The following TP53I13 variants were observed in gnomAD, a reference collection of about 807,000 sequenced individuals.
The protein encoded by TP53I13 is tumor protein p53 inducible protein 13.
Under a neutral mutation model 39.1 loss-of-function variants are expected in TP53I13, and 27 were observed. The ratio of observed to expected loss-of-function variants is 0.69; its 90% CI spans 0.51 to 0.95. TP53I13 has a LOEUF of 0.95. Among genes scored for constraint, TP53I13 ranks in the 40% least tolerant of loss-of-function variants. The probability of loss-of-function intolerance (pLI) is 0.00; values close to 1 mark genes in which losing one functional copy is unlikely to be tolerated. For synonymous variants in TP53I13, 230 were observed against 224.6 expected (o/e 1.02, Z -0.22); for missense variants, 544 against 520.4 (o/e 1.05, Z -0.44).
At chr17:29,580,863 C>T in the TP53I13 span, among the ~76,000 whole-genome samples, 1 of 152,034 alleles carries the variant, frequency 6.6e-6, no homozygotes, top group African/African-American at 2.4e-5. Flanking sequence ...TCACCGCAAC[C>T]TCTACCTCCT....
rs766538307 is a variant in TP53I13, at chr17:29,572,193, G to A, written c.565G>A (p.Val189Met). Reference sequence around the variant, plus strand: ...GAGCTGGCGGCCCCCTGGCACAGAGGTGACATCTCAAGGGCCCAGGCAGCC... The same window carrying A: ...GAGCTGGCGGCCCCCTGGCACAGAGATGACATCTCAAGGGCCCAGGCAGCC... ...LRSWRPPGTE[V>M]TSQGPRQPSS... The change falls in exon 6 of 7, where the codon GTG becomes ATG. Residue 189 changes from valine (V) to methionine (M), a missense_variant. Transcript: ENST00000301057. 1.9e-6 allele frequency: 3 copies of A among 1,611,328 alleles called. No homozygotes were observed. The highest frequency in any genetic ancestry group is 2.2e-5 in the South Asian group (2 of 91,028).
the TP53I13 span, chr17:29,581,274 T>G: frequency 3.7e-5 from 47 of 1,257,304 alleles, 1 homozygote; most frequent in South Asian, 3.8e-4. This position sits in a 1 kb window ranked among gnomAD's most constrained non-coding sequence, Gnocchi z 4.8. Flanking sequence ...CTGGGAGCTC[T>G]GGGGGTCAGC....
rs2032977930 is a variant in TP53I13 at position 29,572,366 on chromosome 17, C to G, written c.738C>G (p.Ala246=). The change falls in exon 6 of 7, where the codon GCC becomes GCG. Residue 246 remains alanine, a synonymous_variant. Transcript: ENST00000301057. The part of the protein sequence containing the change: ...MAGIPGRESN[A]PSVPTVSLLP... ...GAATCCCTGGTAGGGAGAGTAATGCCCCATCTGTGCCCACTGTCTCCCTGC... is the reference window on the plus strand; with the variant it reads ...GAATCCCTGGTAGGGAGAGTAATGCGCCATCTGTGCCCACTGTCTCCCTGC... 1 of 1,604,404 alleles carries G rather than the reference C, an allele frequency of 6.2e-7. No individual in the cohort carries two copies. Among genetic ancestry groups the G allele is most frequent in the South Asian group, 1.1e-5 (1 of 90,818 alleles).
Position 29,569,329 on chromosome 17 carries a change from A to G in TP53I13, c.153A>G (p.Arg51=), listed in dbSNP as rs764278119. The G allele has an allele frequency of 6.2e-7, 1 of 1,613,862 alleles. No individual in the cohort carries two copies. Among genetic ancestry groups the G allele is most frequent in the Admixed American group, 1.7e-5 (1 of 59,990 alleles). The part of the protein sequence containing the change: ...LWPLPPQVSP[R]VTYTRVSPGQ... ...TTCCCCATGTATAGGTGTCACCAAG[A>G]GTGACCTACACACGAGTGAGCCCAG... The change falls in exon 3 of 7, where the codon AGA becomes AGG. Residue 51 remains arginine (R), a synonymous_variant. Coordinates refer to ENST00000301057, the MANE Select transcript of TP53I13 (RefSeq NM_138349.4).
intron 3 of TP53I13, chr17:29,570,984 A>G (rs558861718): frequency 6.6e-6 from 1 of 152,446 alleles, no homozygotes; most frequent in South Asian, 2.1e-4. Flanking sequence ...TAATTTAACA[A>G]CTAATCACTA....
downstream of TP53I13, chr17:29,577,109 C>T: frequency 6.2e-7 from 1 of 1,609,170 alleles, no homozygotes; most frequent in Non-Finnish European, 8.5e-7. Flanking sequence ...CGCCTGCTTC[C>T]CACACCCTCC....
upstream of TP53I13, chr17:29,567,082 G>A: frequency 2.1e-6 from 2 of 935,548 alleles, no homozygotes; most frequent in Non-Finnish European, 2.7e-6. This position sits in a 1 kb window ranked among gnomAD's most constrained non-coding sequence, Gnocchi z 6.6. Flanking sequence ...CCTCCCGCGC[G>A]GGCGCGCTCT....
chr17:29,577,078 C>T, downstream of TP53I13: 24 of 1,606,176 alleles, frequency 1.5e-5, no homozygotes, highest in Non-Finnish European at 2.0e-5. Context: ...GAGAGCCATG[C>T]AGGAAAGACC....
the TP53I13 span, chr17:29,579,387 A>C: frequency 3.9e-6 from 1 of 257,330 alleles, no homozygotes; most frequent in Non-Finnish European, 7.5e-6. Context: ...TGGCTGCACT[A>C]CCCCTTGCCT....
chr17:29,575,089 AG>A (rs1295834070), downstream of TP53I13: 1 of 1,597,552 alleles, frequency 6.3e-7, no homozygotes, highest in Non-Finnish European at 8.6e-7. The surrounding 1 kb of genome is among the most constrained non-coding windows in gnomAD (Gnocchi z 5.5). Flanking sequence ...CTTTGGGAAG[AG>A]GGAGGCCATC....
the TP53I13 span, among the ~76,000 whole-genome samples, chr17:29,580,881 A>C: frequency 2.0e-5 from 3 of 151,908 alleles, no homozygotes; most frequent in Non-Finnish European, 4.4e-5. Context: ...CCTGTGTTCA[A>C]GCGATTCTCC....
At chr17:29,576,359 G>A (rs2033200172), downstream of TP53I13, 3 of 1,613,342 alleles carry the variant, frequency 1.9e-6, no homozygotes, top group Admixed American at 3.3e-5. Context: ...CGCCATGGGT[G>A]TGTGTTCCGC....
chr17:29,567,738 T>A (rs774111262), upstream of TP53I13, among the ~76,000 whole-genome samples: 1 of 149,326 alleles, frequency 6.7e-6, no homozygotes, highest in African/African-American at 2.5e-5. The surrounding 1 kb of genome is among the most constrained non-coding windows in gnomAD (Gnocchi z 6.6). Context: ...CCTCCGAGAG[T>A]CAGTCGGAGA....
chr17:29,567,009 G>T, upstream of TP53I13: 1 of 1,266,456 alleles, frequency 7.9e-7, no homozygotes, highest in Non-Finnish European at 9.9e-7. This position sits in a 1 kb window ranked among gnomAD's most constrained non-coding sequence, Gnocchi z 6.6. Context: ...CGGCGGGGCC[G>T]TCTACTCGGC....
In TP53I13 at chr17:29,572,854, A is replaced by G; in HGVS notation, c.1112A>G (p.Lys371Arg). The G allele has an allele frequency of 4.6e-6, 7 of 1,524,568 alleles. No individual in the cohort carries two copies. The highest frequency in any genetic ancestry group is 1.2e-5 in the South Asian group (1 of 82,742). 94.4% of individuals were successfully genotyped at this position (1,524,568 alleles called of 1,614,324 possible). The change falls in exon 7 of 7, where the codon AAG becomes AGG. Residue 371 changes from lysine to arginine, a missense_variant. Coordinates refer to ENST00000301057, the MANE Select transcript of TP53I13 (RefSeq NM_138349.4). Reference sequence around the variant, plus strand: ...CTGCTGCAGCCCTCGCGCCGGGTCAAGCGCTCGCGCCGGAGACCCCTCCTC... The same window carrying G: ...CTGCTGCAGCCCTCGCGCCGGGTCAGGCGCTCGCGCCGGAGACCCCTCCTC... ...RRLLQPSRRV[K>R]RSRRRPLLPP...
chr17:29,577,816 C>A, downstream of TP53I13: 1 of 901,716 alleles, frequency 1.1e-6, no homozygotes, highest in Admixed American at 1.7e-5. Context: ...AGCACTGAGC[C>A]CAGCCTTCCT....
At chr17:29,566,353 C>A, upstream of TP53I13, 1 of 1,611,108 alleles carries the variant, frequency 6.2e-7, no homozygotes. Context: ...AGGCTGCAGC[C>A]GGGGGCTGAC....
chr17:29,567,875 G>A (rs549191120), upstream of TP53I13, among the ~76,000 whole-genome samples: 1 of 152,202 alleles, frequency 6.6e-6, no homozygotes, highest in African/African-American at 2.4e-5. The surrounding 1 kb of genome is among the most constrained non-coding windows in gnomAD (Gnocchi z 6.6). Context: ...TTTGGGATAG[G>A]CATCTCGACC....
In TP53I13 at chr17:29,572,407, G is replaced by T. The variant is rs751635455; in HGVS notation, c.779G>T (p.Gly260Val). ...GTCTCCCTGCTGCCGGGGGCGCCTG[G>T]AGGCAATGCCAGCTCCAGGACAGAG... is the stretch of plus-strand genomic sequence containing the variant. ...PTVSLLPGAP[G>V]GNASSRTEAQ... Residue 260 changes from glycine (G) to valine (V), a missense_variant, in exon 6 of 7, where the codon GGA (glycine) becomes GTA (valine). By Grantham distance (109) the Gly-to-Val change is moderately radical. Transcript: ENST00000301057. 6.3e-7 allele frequency: 1 copy of T among 1,592,904 alleles called. No homozygotes were observed. Among genetic ancestry groups the T allele is most frequent in the South Asian group, 1.1e-5 (1 of 89,422 alleles).
Sources: allele counts gnomAD v4.1 joint callset (sites outside exome capture counted in the v4.1 genomes callset), GRCh38; gene constraint gnomAD v4.1.1; non-coding constraint Gnocchi (gnomAD v3.1); transcripts MANE v1.5; gene names NCBI Gene and HGNC (gene_info 2026-07-23, HGNC 2026-07-21).